Variants in AXIN1 observed in about 807,000 individuals in gnomAD.
AXIN1 encodes axin-1.
Under a neutral mutation model 76.4 loss-of-function variants are expected in AXIN1, and 30 were observed. The observed-to-expected ratio is 0.39, with a 90% CI of 0.29 to 0.53. The LOEUF (loss-of-function observed/expected upper bound fraction) is 0.53. Ranked by LOEUF, AXIN1 falls within the 20% of genes least tolerant of loss-of-function variation. AXIN1 has a pLI of 0.66. For missense variants in AXIN1, 1,140 were observed against 1,198.8 expected (o/e 0.95, Z 0.72); for synonymous variants, 545 against 501.4 (o/e 1.09, Z -1.16).
intron 7 of AXIN1, 76 bp downstream of exon 7, chr16:296,980 G>T: frequency 2.0e-6 from 3 of 1,512,858 alleles, no homozygotes; most frequent in Non-Finnish European, 1.8e-6. Flanking sequence ...CACTGAAGCT[G>T]CACACACTGA....
chr16:329,619 T>G (rs1041101797), intron 2 of AXIN1, among the ~76,000 whole-genome samples: 4 of 148,614 alleles, frequency 2.7e-5, no homozygotes, highest in Middle Eastern at 3.4e-3. Flanking sequence ...CTAATTTTTG[T>G]TTTTTTTTGT....
chr16:332,194 C>T (rs570794403), intron 2 of AXIN1, among the ~76,000 whole-genome samples: 1 of 152,296 alleles, frequency 6.6e-6, no homozygotes, highest in Non-Finnish European at 1.5e-5. Flanking sequence ...CAACTGAGGG[C>T]CCCACGGTCC....
intron 2 of AXIN1, among the ~76,000 whole-genome samples, chr16:325,043 A>T (rs2141635881): frequency 6.6e-6 from 1 of 152,162 alleles, no homozygotes; most frequent in African/African-American, 2.4e-5. Flanking sequence ...GCACGTTCTG[A>T]CGCGCACCAG....
At position 336,310 on chromosome 16, in the gene AXIN1, G is replaced by A. The variant is rs557525445; in HGVS notation, c.878+9838C>T. 7.9e-5 allele frequency among the ~76,000 whole-genome samples: 12 copies of A among 152,348 alleles called. No individual in the cohort carries two copies. In the South Asian group the frequency reaches 2.5e-3, roughly 32 times the overall value. ...CCTGGTGCATGAACACCTCAGGGTA[G>A]GGGTGAGACAGGAGAGCAGCAGAGC... On this transcript the variant is annotated intron_variant, in intron 2 of 10. Transcript: ENST00000262320.
chr16:291,031 AG>A, intron 9 of AXIN1, 158 bp downstream of exon 9: 2 of 711,012 alleles, frequency 2.8e-6, no homozygotes, highest in Non-Finnish European at 5.1e-6. Context: ...GCTCTCGGGC[AG>A]CTTCGAGTCT....
Position 298,230 on chromosome 16 carries a change from C to T in AXIN1, c.1276G>A (p.Asp426Asn), listed in dbSNP as rs748733363. Reference sequence around the variant, plus strand: ...GGCCCTGGGGGCCCTGACGATGGATCGCCGTCCTCACCTTCCTCCTCCTGT... The same window carrying T: ...GGCCCTGGGGGCCCTGACGATGGATTGCCGTCCTCACCTTCCTCCTCCTGT... ...VRMEEEGEDG[D>N]PSSGPPGPCH... Residue 426 changes from aspartate to asparagine, a missense_variant, in exon 6 of 11, where the codon GAT (aspartate) becomes AAT (asparagine). Physicochemically the swap from Asp to Asn is conservative, Grantham distance 23. This residue lies in a region of AXIN1 where 708 missense variants were observed against 776.9 expected (regional missense o/e 0.91). Transcript: ENST00000262320. 2.1e-5 allele frequency: 32 copies of T among 1,539,714 alleles called. No individual in the cohort carries two copies. The highest frequency in any genetic ancestry group is 2.7e-5 in the Non-Finnish European group (31 of 1,147,116).
At chr16:344,055 G>C (rs541056157) in intron 2 of AXIN1, among the ~76,000 whole-genome samples, 1 of 151,796 alleles carries the variant, frequency 6.6e-6, no homozygotes, top group East Asian at 1.9e-4. Context: ...TTTATACCAG[G>C]CTTACTCAAC....
intron 10 of AXIN1, among the ~76,000 whole-genome samples, chr16:288,783 G>A (rs901611367): frequency 4.6e-5 from 7 of 152,260 alleles, no homozygotes; most frequent in African/African-American, 1.7e-4. Flanking sequence ...GTGGCCCAGG[G>A]CGAATGAACC....
intron 1 of AXIN1, among the ~76,000 whole-genome samples, chr16:350,489 C>T (rs1467826600): frequency 6.6e-6 from 1 of 152,190 alleles, no homozygotes; most frequent in Non-Finnish European, 1.5e-5. Flanking sequence ...TAGGCATATG[C>T]TCCAGGCATC....
In AXIN1 at chr16:343,959, G is replaced by C. The variant is rs1371854067; in HGVS notation, c.878+2189C>G. 2.0e-5 allele frequency among the ~76,000 whole-genome samples: 3 copies of C among 149,384 alleles called. No individual in the cohort carries two copies. The East Asian group carries it at 5.9e-4, about 29-fold the overall frequency. On this transcript the variant is annotated intron_variant, in intron 2 of 10. Coordinates refer to ENST00000262320, the MANE Select transcript of AXIN1 (RefSeq NM_003502.4). Reference sequence around the variant, plus strand: ...AAGTTGCAGTGAGCCGAGATAGCGAGATAGTGCTACTGCACTCCAGCCTGT... The same window carrying C: ...AAGTTGCAGTGAGCCGAGATAGCGACATAGTGCTACTGCACTCCAGCCTGT...
At chr16:309,932 G>C (rs191442698) in intron 4 of AXIN1, 41 bp downstream of exon 4, 1 of 1,595,218 alleles carries the variant, frequency 6.3e-7, no homozygotes, top group African/African-American at 1.3e-5. Flanking sequence ...CACGCTGAGC[G>C]GGGAGGACGA....
intron 4 of AXIN1, among the ~76,000 whole-genome samples, chr16:308,121 G>A (rs962286983): frequency 4.6e-5 from 7 of 152,330 alleles, no homozygotes; most frequent in Middle Eastern, 3.4e-3. Flanking sequence ...CTGGGGGTGC[G>A]GAACGCAGCA....
chr16:330,886 T>C (rs1489279989), intron 2 of AXIN1, among the ~76,000 whole-genome samples: 2 of 152,228 alleles, frequency 1.3e-5, no homozygotes, highest in Non-Finnish European at 2.9e-5. Context: ...CATTTGGAAG[T>C]GGCAATTCCC....
chr16:304,790 C>A (rs559537253), intron 4 of AXIN1, among the ~76,000 whole-genome samples: 1 of 152,336 alleles, frequency 6.6e-6, no homozygotes, highest in South Asian at 2.1e-4. Context: ...CCACCTCAGC[C>A]TCCCAAAGTG....
In AXIN1 at chr16:314,530, G is replaced by C. The variant is rs762122326; in HGVS notation, c.1019+13C>G. 2.0e-5 allele frequency: 33 copies of C among 1,610,528 alleles called. No individual in the cohort carries two copies. The highest frequency in any genetic ancestry group is 2.8e-5 in the Non-Finnish European group (33 of 1,179,822). ...CTGTCCGTGAGGGACTGGGTATCCG[G>C]GGCGGGACTTACACGCTGCTGTCCG... On this transcript the variant is annotated intron_variant, in intron 3 of 10. Coordinates refer to ENST00000262320, the MANE Select transcript of AXIN1 (RefSeq NM_003502.4).
chr16:288,749 G>A (rs1361838229), intron 10 of AXIN1, among the ~76,000 whole-genome samples: 1 of 152,242 alleles, frequency 6.6e-6, no homozygotes, highest in Non-Finnish European at 1.5e-5. Flanking sequence ...AAGGCTGGCT[G>A]CACGCAGGGC....
Position 298,017 on chromosome 16 carries a change from C to G in AXIN1, c.1489G>C (p.Gly497Arg), listed in dbSNP as rs2052764266. The G allele has an allele frequency of 1.3e-6, 2 of 1,596,472 alleles. No individual in the cohort carries two copies. The highest frequency in any genetic ancestry group is 1.7e-6 in the Non-Finnish European group (2 of 1,176,874). Residue 497 changes from glycine to arginine, a missense_variant, in exon 6 of 11, where the codon GGG (glycine) becomes CGG (arginine). Physicochemically the swap from Gly to Arg is moderately radical, Grantham distance 125. This residue lies in a region of AXIN1 where 708 missense variants were observed against 776.9 expected (regional missense o/e 0.91). Transcript: ENST00000262320. ...GCCACTGGCATCTTGGCCACGTGCCCACTGTCCGGGGAGCGATGGCCAGGC... is the reference window on the plus strand; with the variant it reads ...GCCACTGGCATCTTGGCCACGTGCCGACTGTCCGGGGAGCGATGGCCAGGC... ...PGPGHRSPDS[G>R]HVAKMPVALG...
rs1397270653 is a variant in AXIN1, at chr16:314,523, G to C, written c.1019+20C>G. The stretch of plus-strand genomic sequence containing the variant: ...CACACTGCTGTCCGTGAGGGACTGG[G>C]TATCCGGGGCGGGACTTACACGCTG... On this transcript the variant is annotated intron_variant, in intron 3 of 10. Transcript: ENST00000262320. The C allele has an allele frequency of 6.2e-7, 1 of 1,612,968 alleles. No homozygotes were observed. Among genetic ancestry groups the C allele is most frequent in the Non-Finnish European group, 8.5e-7 (1 of 1,179,780 alleles).
chr16:324,933 C>A (rs925668318), intron 2 of AXIN1, among the ~76,000 whole-genome samples: 1 of 152,220 alleles, frequency 6.6e-6, no homozygotes, highest in Non-Finnish European at 1.5e-5. Flanking sequence ...GCGCAGAACT[C>A]CGGGATGAAC....
Sources: allele counts gnomAD v4.1 joint callset (sites outside exome capture counted in the v4.1 genomes callset), GRCh38; gene constraint gnomAD v4.1.1; regional missense constraint gnomAD v4.1.1; transcripts MANE v1.5; gene names NCBI Gene and HGNC (gene_info 2026-07-23, HGNC 2026-07-21).